Variants in PDGFA observed in about 807,000 individuals in gnomAD.
The protein encoded by PDGFA is platelet derived growth factor subunit A.
In PDGFA, 9 loss-of-function variants were observed where a neutral mutation model predicts 25.6. The ratio of observed to expected loss-of-function variants is 0.35; its 90% CI spans 0.21 to 0.61. PDGFA has a LOEUF of 0.61. PDGFA is among the 20% of genes least tolerant of loss of function. The probability of loss-of-function intolerance (pLI) is 0.75; values close to 1 mark genes in which losing one functional copy is unlikely to be tolerated. For synonymous variants in PDGFA, 133 were observed against 111.8 expected (o/e 1.19, Z -1.20); for missense variants, 242 against 272.8 (o/e 0.89, Z 0.79).
intron 3 of PDGFA, 113 bp downstream of exon 3, chr7:512,238 T>C (rs1782883910): frequency 9.8e-7 from 1 of 1,024,868 alleles, no homozygotes. Context: ...CTGAGGCCAC[T>C]GCGCTGGGAG....
chr7:500,707 G>T lies in PDGFA; in HGVS notation c.580+409C>A, dbSNP rs563069714. On this transcript the variant is annotated intron_variant, in intron 5 of 5. Coordinates refer to ENST00000402802, the Ensembl canonical transcript of PDGFA. This position sits in a 1 kb window ranked among gnomAD's most constrained non-coding sequence, Gnocchi z 5.0. ...CATTCTGCTCCTGGGTGGAGTCCGC[G>T]TGGCGGGGTGAAGGAGAGACCCCAG... 1.4e-6 allele frequency: 2 copies of T among 1,441,146 alleles called. No individual in the cohort carries two copies. Among genetic ancestry groups the T allele is most frequent in the African/African-American group, 1.4e-5 (1 of 69,782 alleles). The allele number at this position is 1,441,146 out of a possible 1,614,324, so 89.3% of individuals were successfully genotyped here. A position where few individuals can be genotyped will look rare whatever the true frequency, so the allele number is the denominator to read the frequency against.
chr7:507,553 G>C (rs927829029), intron 4 of PDGFA, among the ~76,000 whole-genome samples: 3 of 152,214 alleles, frequency 2.0e-5, no homozygotes, highest in African/African-American at 7.2e-5. Flanking sequence ...CCCCATGACA[G>C]GCCAGGGTGG....
At chr7:510,748 GGAGGGGAGGGGAGAGGAGA>G in intron 4 of PDGFA, 42 bp downstream of exon 4, 1 of 455,490 alleles carries the variant, frequency 2.2e-6, no homozygotes, top group Non-Finnish European at 3.8e-6. Flanking sequence ...GGAGAGGAGA[GGAGGGGAGGGGAGAGGAGA>G]GGAGGGGAGG....
At chr7:515,227 T>G (rs1334723304) in intron 2 of PDGFA, among the ~76,000 whole-genome samples, 1 of 152,166 alleles carries the variant, frequency 6.6e-6, no homozygotes, top group African/African-American at 2.4e-5. Flanking sequence ...GTTGGGTTTC[T>G]CCCAGCACCC....
exon 6 of PDGFA, chr7:497,931 T>G (rs1400122427): frequency 1.5e-5 from 1 of 68,012 alleles, no homozygotes; most frequent in Non-Finnish European, 3.1e-5. Context: ...AATAATCACT[T>G]TATGGTGTAA....
chr7:503,028 G>A (rs950473007), intron 4 of PDGFA, among the ~76,000 whole-genome samples: 2 of 152,114 alleles, frequency 1.3e-5, no homozygotes, highest in African/African-American at 4.8e-5. Flanking sequence ...CACAGCCAGG[G>A]ACTGCATGAG....
chr7:510,893 G>A (rs771182613), exon 4 of PDGFA: 6 of 1,612,294 alleles, frequency 3.7e-6, no homozygotes, highest in South Asian at 2.2e-5. Context: ...TCACCTCCAC[G>A]CACGGGGGCC....
At position 498,214 on chromosome 7, in the gene PDGFA, G is replaced by C. The variant is rs13308047; in HGVS notation, c.*350C>G. On this transcript the variant is annotated 3_prime_UTR_variant, in exon 6 of 6. Transcript: ENST00000402802. Reference sequence around the variant, plus strand: ...CCCGGACAGAAATCCAGTCTGCTGAGACCTCTGCACTTCCATCCCACGGGG... The same window carrying C: ...CCCGGACAGAAATCCAGTCTGCTGACACCTCTGCACTTCCATCCCACGGGG... The C allele has an allele frequency of 1.9e-5, 6 of 316,882 alleles. No homozygotes were observed. In the East Asian group the frequency reaches 4.1e-4, roughly 21 times the overall value. The allele number at this position is 316,882 out of a possible 1,614,324, so 19.6% of individuals were successfully genotyped here.
At chr7:506,501 G>A (rs1291804072) in intron 4 of PDGFA, among the ~76,000 whole-genome samples, 3 of 152,048 alleles carry the variant, frequency 2.0e-5, no homozygotes, top group African/African-American at 7.2e-5. Context: ...CAGCCACTCT[G>A]TTCCAGGGAG....
At chr7:506,222 A>ACCTGTGAT (rs1782561653) in intron 4 of PDGFA, among the ~76,000 whole-genome samples, 1 of 150,644 alleles carries the variant, frequency 6.6e-6, no homozygotes, top group Admixed American at 6.6e-5. Flanking sequence ...GGAGGTTCAT[A>ACCTGTGAT]CCTGTGATCC....
At chr7:503,923 G>A (rs905995353) in intron 4 of PDGFA, among the ~76,000 whole-genome samples, 1 of 152,114 alleles carries the variant, frequency 6.6e-6, no homozygotes, top group African/African-American at 2.4e-5. Flanking sequence ...TCCTACATGG[G>A]GCTCCGTTCC....
At chr7:515,737 C>T (rs974571520) in intron 2 of PDGFA, among the ~76,000 whole-genome samples, 1 of 150,898 alleles carries the variant, frequency 6.6e-6, no homozygotes, top group African/African-American at 2.4e-5. Context: ...AATTTGAAAC[C>T]GGCCAGGACT....
intron 2 of PDGFA, 175 bp from the exon 3 acceptor site, chr7:512,630 A>C (rs2128402476): frequency 6.5e-7 from 1 of 1,530,282 alleles, no homozygotes; most frequent in East Asian, 2.5e-5. Context: ...CTCGATTCCC[A>C]CCAGGGCTTT....
chr7:510,107 G>C (rs1265741027), intron 4 of PDGFA, among the ~76,000 whole-genome samples: 1 of 152,148 alleles, frequency 6.6e-6, no homozygotes. Context: ...TCCAGGGCCC[G>C]GGGACGCCAG....
chr7:515,489 C>T (rs1783047799), intron 2 of PDGFA, among the ~76,000 whole-genome samples: 1 of 152,172 alleles, frequency 6.6e-6, no homozygotes, highest in Admixed American at 6.5e-5. Flanking sequence ...TGTTTTCAGC[C>T]ACACCTGGGG....
intron 1 of PDGFA, 22 bp downstream of exon 1, chr7:518,916 CG>C: frequency 6.7e-7 from 1 of 1,493,228 alleles, no homozygotes; most frequent in Admixed American, 2.1e-5. Flanking sequence ...GGCGCAGGGA[CG>C]GGGCGCGGGG....
chr7:501,620 G>A (rs556780502), intron 4 of PDGFA, among the ~76,000 whole-genome samples: 52 of 152,150 alleles, frequency 3.4e-4, no homozygotes, highest in Middle Eastern at 3.4e-3. Context: ...ATGAGATCTC[G>A]CTATGTTGCC....
intron 4 of PDGFA, among the ~76,000 whole-genome samples, chr7:504,740 C>G (rs1782487142): frequency 6.6e-6 from 1 of 152,270 alleles, no homozygotes; most frequent in Non-Finnish European, 1.5e-5. Context: ...GGCACAGCCT[C>G]TTTGGTCAAC....
chr7:497,820 G>T (rs937512775), exon 6 of PDGFA: 1 of 128,816 alleles, frequency 7.8e-6, no homozygotes, highest in Non-Finnish European at 1.6e-5. Context: ...TGTCCTGACA[G>T]TTACAGCAGC....
Sources: allele counts gnomAD v4.1 joint callset (sites outside exome capture counted in the v4.1 genomes callset), GRCh38; gene constraint gnomAD v4.1.1; non-coding constraint Gnocchi (gnomAD v3.1); transcripts MANE v1.5; gene names NCBI Gene and HGNC (gene_info 2026-07-23, HGNC 2026-07-21).